Variants in RNF216 observed in about 807,000 individuals in gnomAD.
RNF216 encodes ring finger protein 216.
RNF216 carries 72 observed loss-of-function variants against 110.8 expected under a neutral mutation model. The ratio of observed to expected loss-of-function variants is 0.65; its 90% CI spans 0.54 to 0.79. RNF216 has a LOEUF of 0.79. Among genes scored for constraint, RNF216 ranks in the 30% least tolerant of loss-of-function variants. The pLI is 0.00. For synonymous variants in RNF216, 495 were observed against 407.5 expected, an observed-to-expected ratio of 1.21 and a Z score of -2.59; for missense variants, 1,342 against 1,141.2, an observed-to-expected ratio of 1.18 and a Z score of -2.54.
chr7:5,674,886 A>C (rs1790173927), intron 13 of RNF216, among the ~76,000 whole-genome samples: 1 of 151,816 alleles, frequency 6.6e-6, no homozygotes, highest in African/African-American at 2.4e-5. Context: ...AATCCCAGCT[A>C]CTCGGGAGGC....
In RNF216 at chr7:5,638,676, C is replaced by T. The variant is rs75445286; in HGVS notation, c.2382+2478G>A. On this transcript the variant is annotated intron_variant, in intron 15 of 16. Transcript: ENST00000389902. ...GGGGGGAGACAGGGTCTTGCTCTGT[C>T]ACCCAGGCTACAGTGCAGTGGCAAG... Among the ~76,000 whole-genome samples, 1,413 of 144,998 alleles carry T rather than the reference C, an allele frequency of 9.7e-3. 21 individuals carry two copies. Among genetic ancestry groups the T allele is most frequent in the African/African-American group, 0.035 (1,369 of 38,808 alleles).
chr7:5,721,283 G>A (rs1048828994), intron 8 of RNF216, 111 bp from the exon 9 acceptor site: 42 of 932,636 alleles, frequency 4.5e-5, no homozygotes, highest in African/African-American at 3.6e-4. Context: ...CTGATGGTAC[G>A]TTTCATGACT....
At chr7:5,722,432 C>T (rs978342956) in intron 8 of RNF216, among the ~76,000 whole-genome samples, 2 of 151,208 alleles carry the variant, frequency 1.3e-5, no homozygotes, top group African/African-American at 4.9e-5. Flanking sequence ...CTCTGTTGCC[C>T]AGGCAAGGGT....
chr7:5,739,505 T>C (rs1438328187), intron 4 of RNF216, 153 bp from the exon 5 acceptor site: 3 of 745,610 alleles, frequency 4.0e-6, no homozygotes, highest in African/African-American at 1.7e-5. Flanking sequence ...TCAACACTAG[T>C]TCCCAGATTC....
At chr7:5,673,301 G>A (rs1186994935) in intron 13 of RNF216, among the ~76,000 whole-genome samples, 1 of 152,232 alleles carries the variant, frequency 6.6e-6, no homozygotes, top group Non-Finnish European at 1.5e-5. Flanking sequence ...AATTAGCGTG[G>A]CCCTGTCAGT....
chr7:5,730,416 C>T (rs1794020360), intron 6 of RNF216, among the ~76,000 whole-genome samples: 1 of 152,094 alleles, frequency 6.6e-6, no homozygotes. Context: ...TCTTGTTTTG[C>T]TTTAGGAATT....
intron 14 of RNF216, among the ~76,000 whole-genome samples, chr7:5,648,269 G>A (rs1788169883): frequency 6.6e-6 from 1 of 151,656 alleles, no homozygotes; most frequent in Non-Finnish European, 1.5e-5. Flanking sequence ...ACCATGCCTG[G>A]GTAATTTTGT....
chr7:5,641,178 T>G lies in RNF216; in HGVS notation c.2358A>C (p.Arg786Ser). ...SPGAPCQECS[R>S]CSLWTDPTED... ...CAGTGGGATCGGTCCAGAGAGAGCA[T>G]CTTGAACACTCCTGGCAAGGGGCTC... The change falls in exon 15 of 17, where the codon AGA becomes AGC. Residue 786 changes from arginine (R) to serine (S), a missense_variant. Transcript: ENST00000389902. The G allele has an allele frequency of 6.2e-7, 1 of 1,614,070 alleles. No individual in the cohort carries two copies. Among genetic ancestry groups the G allele is most frequent in the Admixed American group, 1.7e-5 (1 of 60,018 alleles).
intron 13 of RNF216, among the ~76,000 whole-genome samples, chr7:5,668,207 G>A (rs1470949072): frequency 2.6e-5 from 4 of 151,496 alleles, no homozygotes; most frequent in African/African-American, 9.7e-5. Context: ...CCTTCTCAGA[G>A]TAAATAGCAA....
chr7:5,727,591 G>C (rs541165162), intron 7 of RNF216, among the ~76,000 whole-genome samples: 1 of 152,272 alleles, frequency 6.6e-6, no homozygotes, highest in African/African-American at 2.4e-5. Flanking sequence ...GATCATCCAG[G>C]TGTGGTGGCG....
intron 5 of RNF216, among the ~76,000 whole-genome samples, chr7:5,737,020 G>T (rs192743903): frequency 0.01 from 1,570 of 152,374 alleles, 25 homozygotes; most frequent in African/African-American, 0.035. Context: ...CGTCTGGGAG[G>T]TGTTCCCAAC....
chr7:5,649,142 G>A (rs924974640), intron 14 of RNF216, among the ~76,000 whole-genome samples: 5 of 152,184 alleles, frequency 3.3e-5, no homozygotes, highest in African/African-American at 9.6e-5. Flanking sequence ...AGTACTTTGG[G>A]AGGCTGAGGT....
chr7:5,650,702 T>C (rs372052687), intron 14 of RNF216, among the ~76,000 whole-genome samples: 2 of 152,322 alleles, frequency 1.3e-5, no homozygotes, highest in South Asian at 4.1e-4. Flanking sequence ...TCACGTTTGT[T>C]TGACTCTTCG....
intron 5 of RNF216, among the ~76,000 whole-genome samples, chr7:5,734,113 G>A (rs955321322): frequency 6.6e-5 from 10 of 152,168 alleles, no homozygotes; most frequent in Admixed American, 2.0e-4. Context: ...ATAGCCAATA[G>A]GAAGGTGGAT....
At chr7:5,641,915 C>G (rs572444867) in intron 14 of RNF216, among the ~76,000 whole-genome samples, 1 of 151,564 alleles carries the variant, frequency 6.6e-6, no homozygotes, top group Non-Finnish European at 1.5e-5. Context: ...CACCTGTAAT[C>G]CCAGCTACTT....
At chr7:5,704,199 T>C (rs1022894736) in intron 13 of RNF216, among the ~76,000 whole-genome samples, 2 of 152,168 alleles carry the variant, frequency 1.3e-5, no homozygotes, top group Admixed American at 1.3e-4. Flanking sequence ...CAAGTCCTCC[T>C]CCAGAGGCCG....
intron 3 of RNF216, among the ~76,000 whole-genome samples, chr7:5,752,017 T>C (rs147835129): frequency 3.0e-3 from 463 of 151,970 alleles, no homozygotes; most frequent in Middle Eastern, 6.8e-3. Flanking sequence ...TAAACCTATC[T>C]CTGCTAAAAA....
At chr7:5,739,486 T>C (rs564838078) in intron 4 of RNF216, 134 bp from the exon 5 acceptor site, 4 of 859,306 alleles carry the variant, frequency 4.7e-6, no homozygotes, top group Non-Finnish European at 7.7e-6. Context: ...TCTGTGTGTG[T>C]CTTCAAATTC....
intron 7 of RNF216, among the ~76,000 whole-genome samples, chr7:5,728,221 G>C (rs1319798185): frequency 6.6e-6 from 1 of 152,136 alleles, no homozygotes; most frequent in Non-Finnish European, 1.5e-5. Flanking sequence ...CCCTTCTGGA[G>C]ACCCTTGGTC....
Sources: gnomAD v4.1 joint callset for allele counts (sites outside exome capture counted in the v4.1 genomes callset) on GRCh38, gnomAD v4.1.1 for gene constraint, MANE v1.5 for transcripts, NCBI Gene and HGNC (gene_info 2026-07-23, HGNC 2026-07-21) for gene names.